DLGAP2: variants seen among roughly 807,000 people sequenced by gnomAD.
DLGAP2 encodes the protein DLG associated protein 2, also known as disks large-associated protein 2.
DLGAP2 carries 26 observed loss-of-function variants against 100.3 expected under a neutral mutation model. The observed-to-expected ratio is 0.26, with a 90% confidence interval of 0.19 to 0.36. The LOEUF (loss-of-function observed/expected upper bound fraction) is 0.36, where lower values mean the gene tolerates loss of function less well. Among genes scored for constraint, DLGAP2 ranks in the 10% least tolerant of loss-of-function variants. The probability of loss-of-function intolerance (pLI) is 1.00; values close to 1 mark genes in which losing one functional copy is unlikely to be tolerated. For synonymous variants in DLGAP2, 886 were observed against 630.1 expected (o/e 1.41, Z -6.08); for missense variants, 1,858 against 1,453.2 (o/e 1.28, Z -4.53).
chr8:1,558,116 C>G (rs372685404), intron 5 of DLGAP2, among the ~76,000 whole-genome samples: 77 of 152,312 alleles, frequency 5.1e-4, no homozygotes, highest in African/African-American at 1.8e-3. Flanking sequence ...ATCCACGCAT[C>G]CTGGGGGCTC....
intron 1 of DLGAP2, among the ~76,000 whole-genome samples, chr8:789,618 T>C (rs1246755438): frequency 6.6e-6 from 1 of 152,218 alleles, no homozygotes; most frequent in Non-Finnish European, 1.5e-5. Flanking sequence ...CTTATTCTTT[T>C]TGGGTAACAT....
At chr8:1,130,576 A>G (rs1169518415) in intron 2 of DLGAP2, among the ~76,000 whole-genome samples, 1 of 152,182 alleles carries the variant, frequency 6.6e-6, no homozygotes, top group Non-Finnish European at 1.5e-5. Flanking sequence ...CCCCAACTGT[A>G]ACTGGTCCCT....
intron 10 of DLGAP2, among the ~76,000 whole-genome samples, chr8:1,675,552 C>G (rs1474855344): frequency 6.6e-6 from 1 of 152,202 alleles, no homozygotes; most frequent in East Asian, 1.9e-4. Flanking sequence ...TCACAAAGGG[C>G]AACTCAAATG....
At chr8:820,356 A>G (rs933302836) in intron 1 of DLGAP2, among the ~76,000 whole-genome samples, 3 of 152,244 alleles carry the variant, frequency 2.0e-5, no homozygotes, top group Non-Finnish European at 4.4e-5. Context: ...GGACACATGC[A>G]TATGAAACCC....
In DLGAP2 at chr8:1,098,601, G is replaced by T. The variant is rs572370266; in HGVS notation, c.74-160250G>T. On this transcript the variant is annotated intron_variant, in intron 2 of 14. Transcript: ENST00000637795. ...ACGCCGCGACCCACACCAGGCTCCC[G>T]GCCGCCCACGGGCGCCGCCACCCAC... Among the ~76,000 whole-genome samples the T allele has an allele frequency of 2.8e-5, 3 of 107,014 alleles. 1 individual carries two copies. The South Asian group carries it at 8.0e-4, about 28-fold the overall frequency. The allele number at this position is 107,014 out of a possible 152,430, so 70.2% of individuals were successfully genotyped here. A position where few individuals can be genotyped will look rare whatever the true frequency, so the allele number is the denominator to read the frequency against.
At chr8:781,178 C>G (rs941721277) in intron 1 of DLGAP2, among the ~76,000 whole-genome samples, 2 of 152,018 alleles carry the variant, frequency 1.3e-5, no homozygotes, top group Non-Finnish European at 2.9e-5. Context: ...AAACTTCATA[C>G]TTATTGTTAG....
At chr8:765,977 A>T (rs1326539838) in intron 1 of DLGAP2, among the ~76,000 whole-genome samples, 2 of 152,144 alleles carry the variant, frequency 1.3e-5, no homozygotes, top group Non-Finnish European at 1.5e-5. Flanking sequence ...GACCAGTCTG[A>T]CCAAAATGGT....
intron 1 of DLGAP2, among the ~76,000 whole-genome samples, chr8:750,572 T>C (rs1411629288): frequency 1.3e-5 from 2 of 152,232 alleles, no homozygotes; most frequent in Non-Finnish European, 2.9e-5. Flanking sequence ...CAATGAATGG[T>C]AACAGAAAAC....
Position 1,563,480 on chromosome 8 carries a change from G to C in DLGAP2, c.1231-2203G>C, listed in dbSNP as rs111918259. On this transcript the variant is annotated intron_variant, in intron 5 of 14. Transcript: ENST00000637795. ...TGTGGTGTTGGGGTGTCCGCGCCTC[G>C]TTACTGGGGGACTGTGTGGTGTTGG... is the stretch of plus-strand genomic sequence containing the variant. Among the ~76,000 whole-genome samples the C allele has an allele frequency of 1.4e-4, 17 of 119,742 alleles. 1 individual carries two copies. The highest frequency in any genetic ancestry group is 2.8e-4 in the Non-Finnish European group (16 of 56,702). 78.6% of individuals were successfully genotyped at this position (119,742 alleles called of 152,430 possible).
intron 1 of DLGAP2, among the ~76,000 whole-genome samples, chr8:836,858 G>A (rs553851722): frequency 2.0e-5 from 3 of 152,186 alleles, no homozygotes; most frequent in South Asian, 2.1e-4. Context: ...CTCTGCGCTC[G>A]TCTCCTTTCA....
rs780412370 is a variant in DLGAP2, at chr8:1,548,798, C to T, written c.345C>T (p.Asp115=). Residue 115 remains aspartate, a synonymous_variant, in exon 5 of 15, where the codon GAC becomes GAT. Coordinates refer to ENST00000637795, the MANE Select transcript of DLGAP2 (RefSeq NM_001346810.2). ...GCGAGCACCTGCACCACGGGCCCGA[C>T]GCGCGGCCGCCCTACCTGCTGAGCC... ...EDCEHLHHGP[D]ARPPYLLSPA... is the part of the protein sequence containing the mutation. 1.3e-5 allele frequency: 21 copies of T among 1,580,890 alleles called. No individual in the cohort carries two copies. The highest frequency in any genetic ancestry group is 1.8e-5 in the Non-Finnish European group (21 of 1,167,322).
intron 2 of DLGAP2, among the ~76,000 whole-genome samples, chr8:1,166,275 G>T (rs187771483): frequency 1.1e-3 from 164 of 152,242 alleles, no homozygotes; most frequent in African/African-American, 3.4e-3. Context: ...CCCAGTCCCC[G>T]TGCAAGATGC....
At chr8:1,509,228 G>C (rs1800067267) in intron 4 of DLGAP2, among the ~76,000 whole-genome samples, 1 of 151,842 alleles carries the variant, frequency 6.6e-6, no homozygotes, top group Non-Finnish European at 1.5e-5. Flanking sequence ...CTACTCGAGA[G>C]GCTGAGGCGG....
At chr8:900,346 G>A (rs1342211528) in intron 1 of DLGAP2, among the ~76,000 whole-genome samples, 2 of 149,152 alleles carry the variant, frequency 1.3e-5, no homozygotes, top group Non-Finnish European at 3.0e-5. Flanking sequence ...GGTGGACGGT[G>A]GGCGCCCTCC....
chr8:1,656,538 T>C (rs1798289537), intron 8 of DLGAP2, among the ~76,000 whole-genome samples: 1 of 152,202 alleles, frequency 6.6e-6, no homozygotes. Flanking sequence ...TCCAGATATT[T>C]GGGCAATTTT....
chr8:1,087,844 C>G (rs554188433), intron 2 of DLGAP2, among the ~76,000 whole-genome samples: 1 of 152,370 alleles, frequency 6.6e-6, no homozygotes, highest in South Asian at 2.1e-4. Context: ...GGCTTGCCAT[C>G]AGCACACAGT....
At chr8:1,331,853 T>A (rs1801164877) in intron 3 of DLGAP2, among the ~76,000 whole-genome samples, 1 of 152,106 alleles carries the variant, frequency 6.6e-6, no homozygotes, top group Non-Finnish European at 1.5e-5. Flanking sequence ...TGGCTGTGGA[T>A]CCCTCCTCTC....
intron 3 of DLGAP2, among the ~76,000 whole-genome samples, chr8:1,313,899 C>T (rs1215011707): frequency 6.6e-6 from 1 of 151,950 alleles, no homozygotes; most frequent in Non-Finnish European, 1.5e-5. Flanking sequence ...CCACCTGACC[C>T]CCAAGAACCA....
chr8:854,448 G>A (rs1392143887), intron 1 of DLGAP2, among the ~76,000 whole-genome samples: 1 of 152,160 alleles, frequency 6.6e-6, no homozygotes, highest in East Asian at 1.9e-4. Flanking sequence ...AGGCCAGGAG[G>A]CTGTGTCTGG....
Sources: allele counts gnomAD v4.1 joint callset (sites outside exome capture counted in the v4.1 genomes callset), GRCh38; gene constraint gnomAD v4.1.1; transcripts MANE v1.5; gene names NCBI Gene and HGNC (gene_info 2026-07-23, HGNC 2026-07-21).